OSTM1: variants seen among roughly 807,000 people sequenced by gnomAD.
The protein encoded by OSTM1 is osteoclastogenesis associated transmembrane protein 1.
A neutral mutation model predicts 35.4 loss-of-function variants in OSTM1; 26 were observed. The observed-to-expected ratio is 0.73, with a 90% CI of 0.54 to 1.02. The LOEUF is 1.02. Among genes scored for constraint, OSTM1 ranks in the 50% least tolerant of loss-of-function variants. The pLI, the probability that OSTM1 is intolerant of heterozygous loss-of-function variation, is 0.00. For missense variants in OSTM1, 366 were observed against 409.6 expected, an observed-to-expected ratio of 0.89 and a Z score of 0.92; for synonymous variants, 181 against 165.0, an observed-to-expected ratio of 1.10 and a Z score of -0.75.
chr6:108,042,595 T>C lies in OSTM1; in HGVS notation c.*2190A>G, dbSNP rs1771892089. On this transcript the variant is annotated 3_prime_UTR_variant, in exon 6 of 6. Transcript: ENST00000193322. The stretch of plus-strand genomic sequence containing the variant: ...CATACCCAGCTAATTTTTGTATTTT[T>C]TGCAGAGACAGTGTTTCACTATGTT... 1 of 151,910 alleles carries C rather than the reference T, an allele frequency of 6.6e-6. No individual in the cohort carries two copies. Among genetic ancestry groups the C allele is most frequent in the Admixed American group, 6.6e-5 (1 of 15,246 alleles). 9.4% of individuals were successfully genotyped at this position (151,910 alleles called of 1,614,324 possible).
chr6:108,063,403 A>G (rs968970330), intron 2 of OSTM1, among the ~76,000 whole-genome samples: 1 of 152,192 alleles, frequency 6.6e-6, no homozygotes, highest in African/African-American at 2.4e-5. Context: ...AATTCTCCCC[A>G]GTAAGATTTA....
chr6:108,045,087 T>G (rs1192176393), intron 5 of OSTM1, among the ~76,000 whole-genome samples: 2 of 152,164 alleles, frequency 1.3e-5, no homozygotes, highest in Non-Finnish European at 2.9e-5. Context: ...ATTTATATCT[T>G]CTTGAACATC....
intron 4 of OSTM1, 51 bp downstream of exon 4, chr6:108,050,980 A>G: frequency 7.2e-7 from 1 of 1,380,362 alleles, no homozygotes; most frequent in Non-Finnish European, 1.0e-6. Flanking sequence ...TACTGAAGGT[A>G]CATTCAATAA....
chr6:108,048,749 C>CTTTT (rs575605197), intron 5 of OSTM1, among the ~76,000 whole-genome samples: 197 of 111,758 alleles, frequency 1.8e-3, no homozygotes, highest in Non-Finnish European at 2.2e-3. Flanking sequence ...TGTGTTTTAA[C>CTTTT]TTTTTTTTTT....
chr6:108,068,393 C>T (rs1229113032), intron 1 of OSTM1, among the ~76,000 whole-genome samples: 1 of 152,172 alleles, frequency 6.6e-6, no homozygotes, highest in Non-Finnish European at 1.5e-5. Flanking sequence ...TTAGAAAGCT[C>T]ATAAACACCT....
rs1255729295 is a variant in OSTM1, at chr6:108,074,651, TCACCGGGCTCACACACCCCAG to T, written c.-21_-1del. The T allele has an allele frequency of 2.6e-6, 4 of 1,542,308 alleles. No homozygotes were observed. In the African/African-American group the frequency reaches 5.5e-5, roughly 21 times the overall value. ...TGCGCGGCTGTCGGGCCCGGCTCCA[TCACCGGGCTCACACACCCCAG>T]GGAGCCCACCGCCGCCTCTCCGCCC... is the stretch of plus-strand genomic sequence containing the variant. On this transcript the variant is annotated 5_prime_UTR_variant, in exon 1 of 6. Transcript: ENST00000193322.
chr6:108,057,360 T>C (rs1367723528), intron 2 of OSTM1, among the ~76,000 whole-genome samples: 1 of 152,212 alleles, frequency 6.6e-6, no homozygotes. Flanking sequence ...AACAATTATA[T>C]AGTTTTTGTA....
At chr6:108,069,488 GAGAT>G (rs1772444560) in intron 1 of OSTM1, among the ~76,000 whole-genome samples, 2 of 151,976 alleles carry the variant, frequency 1.3e-5, no homozygotes, top group African/African-American at 2.4e-5. Context: ...TAGATAGATA[GAGAT>G]AGATAGGTAG....
intron 2 of OSTM1, among the ~76,000 whole-genome samples, chr6:108,055,477 C>T (rs1021757919): frequency 3.3e-5 from 5 of 152,150 alleles, no homozygotes; most frequent in Admixed American, 2.6e-4. Context: ...TGAGCCACTG[C>T]GCTCAGCCAG....
Position 108,054,566 on chromosome 6 carries a change from T to G in OSTM1, c.539A>C (p.Glu180Ala). The change falls in exon 3 of 6, where the codon GAA (glutamate) becomes GCA (alanine). Residue 180 changes from glutamate (E) to alanine (A), a missense_variant. Physicochemically the swap from Glu to Ala is moderately radical, Grantham distance 107. Around this residue, in one of 3 missense-constraint regions of OSTM1, gnomAD observed 236 missense variants for 239.3 expected, o/e 0.99. Transcript: ENST00000193322. ...ATATACTGTGCTGTTTGATAATTCT[T>G]CACTGTTGTTTGTTAAACAATCTGT... The part of the protein sequence containing the change: ...NCANCLTNNS[E>A]ELSNSTVYFL... The G allele has an allele frequency of 6.4e-7, 1 of 1,551,408 alleles. No individual in the cohort carries two copies.
chr6:108,053,831 T>G (rs1046445137), intron 3 of OSTM1, among the ~76,000 whole-genome samples: 1 of 152,210 alleles, frequency 6.6e-6, no homozygotes, highest in Non-Finnish European at 1.5e-5. Flanking sequence ...GAAGAAATCA[T>G]ACATGCTTAT....
chr6:108,057,797 C>T (rs1772192560), intron 2 of OSTM1, among the ~76,000 whole-genome samples: 1 of 152,028 alleles, frequency 6.6e-6, no homozygotes, highest in East Asian at 1.9e-4. Flanking sequence ...AATAACAGAT[C>T]TCTAGTAAAT....
intron 5 of OSTM1, among the ~76,000 whole-genome samples, chr6:108,046,310 G>T (rs375795246): frequency 6.9e-6 from 1 of 145,940 alleles, no homozygotes; most frequent in African/African-American, 2.6e-5. Context: ...GTGAGCCACC[G>T]TGCCTGGCCT....
Position 108,044,788 on chromosome 6 carries a change from G to A in OSTM1, c.1002C>T (p.Asn334=). ...TSFANIQENS[N] ...TCAATTCTCCATTTTGTAGGTCTCA[G>A]TTTGAATTTTCCTGAATATTTGCAA... is the stretch of plus-strand genomic sequence containing the variant. The change falls in exon 6 of 6, where the codon AAC becomes AAT. Residue 334 remains asparagine, a synonymous_variant. Transcript: ENST00000193322. 1.3e-6 allele frequency: 2 copies of A among 1,563,634 alleles called. No homozygotes were observed. The highest frequency in any genetic ancestry group is 1.8e-6 in the Non-Finnish European group (2 of 1,138,306).
intron 5 of OSTM1, among the ~76,000 whole-genome samples, chr6:108,045,218 C>G (rs1411641914): frequency 6.6e-6 from 1 of 152,046 alleles, no homozygotes; most frequent in African/African-American, 2.4e-5. Context: ...CTGAATTTCT[C>G]TTAAAAGAAT....
chr6:108,052,493 G>A (rs1450301796), intron 3 of OSTM1, among the ~76,000 whole-genome samples: 2 of 145,126 alleles, frequency 1.4e-5, no homozygotes, highest in Admixed American at 1.4e-4. Flanking sequence ...ACATAATCTA[G>A]ATGGGGAGTA....
intron 1 of OSTM1, among the ~76,000 whole-genome samples, chr6:108,068,747 T>C (rs1418254970): frequency 6.6e-6 from 1 of 150,432 alleles, no homozygotes; most frequent in Admixed American, 6.6e-5. Context: ...TTCTGTCACA[T>C]AGCCAGCATA....
chr6:108,053,600 T>G (rs373254154), intron 3 of OSTM1, among the ~76,000 whole-genome samples: 1 of 152,142 alleles, frequency 6.6e-6, no homozygotes, highest in African/African-American at 2.4e-5. Context: ...AACCTCTACT[T>G]CACTACAGGC....
chr6:108,063,310 C>T (rs1283717701), intron 2 of OSTM1, among the ~76,000 whole-genome samples: 1 of 152,222 alleles, frequency 6.6e-6, no homozygotes, highest in Non-Finnish European at 1.5e-5. Flanking sequence ...AGCCGCCTCA[C>T]TGGCGTCATC....
Sources: gnomAD v4.1 joint callset for allele counts (sites outside exome capture counted in the v4.1 genomes callset) on GRCh38, gnomAD v4.1.1 for gene constraint, gnomAD v4.1.1 regional missense constraint, MANE v1.5 for transcripts, NCBI Gene and HGNC (gene_info 2026-07-23, HGNC 2026-07-21) for gene names.